Variants in ERBB4 observed in about 807,000 individuals in gnomAD.
The protein encoded by ERBB4 is erb-b2 receptor tyrosine kinase 4.
A neutral mutation model predicts 158.0 loss-of-function variants in ERBB4; 42 were observed. The observed-to-expected ratio is 0.27, with a 90% CI of 0.21 to 0.34. ERBB4 has a LOEUF of 0.34. Among genes scored for constraint, ERBB4 ranks in the 10% least tolerant of loss-of-function variants. The pLI is 1.00. For synonymous variants in ERBB4, 583 were observed against 558.7 expected (o/e 1.04, Z -0.61); for missense variants, 1,333 against 1,624.1 (o/e 0.82, Z 3.08).
intron 2 of ERBB4, among the ~76,000 whole-genome samples, chr2:212,086,415 C>G (rs965848767): frequency 4.0e-5 from 6 of 150,258 alleles, no homozygotes; most frequent in Admixed American, 2.7e-4. Flanking sequence ...TGATTTAAAT[C>G]GCACTAAGGC....
At position 211,652,121 on chromosome 2, in the gene ERBB4, T is replaced by C. The variant is rs547079902; in HGVS notation, c.1946+5633A>G. Among the ~76,000 whole-genome samples, 6 of 152,322 alleles carry C rather than the reference T, an allele frequency of 3.9e-5. No homozygotes were observed. The South Asian group carries it at 1.2e-3, about 32-fold the overall frequency. On this transcript the variant is annotated intron_variant, in intron 16 of 27. Transcript: ENST00000342788. ...GCAACTTTGTGACGCTAAATACTTC[T>C]GTTAAAGTAACCACTTTAACTGTAT...
chr2:211,740,622 C>CTTTT lies in ERBB4; in HGVS notation c.622+10013_622+10016dup, dbSNP rs1169540948. Among the ~76,000 whole-genome samples the CTTTT allele has an allele frequency of 2.1e-3, 185 of 90,162 alleles. 1 individual carries two copies. Among genetic ancestry groups the CTTTT allele is most frequent in the African/African-American group, 5.7e-3 (120 of 21,068 alleles). The allele number at this position is 90,162 out of a possible 152,430, so 59.1% of individuals were successfully genotyped here. ...TTACTTAATTATTTCTTTTCTTTGT[C>CTTTT]TTTTTTTTTTTTTTTTTTTTTTTGA... On this transcript the variant is annotated intron_variant, in intron 5 of 27. Transcript: ENST00000342788.
intron 2 of ERBB4, among the ~76,000 whole-genome samples, chr2:212,021,186 G>A (rs922227163): frequency 2.0e-5 from 3 of 151,922 alleles, no homozygotes; most frequent in Non-Finnish European, 2.9e-5. Context: ...CTAGAAATAC[G>A]ATGATAAAAA....
chr2:211,413,828 A>G (rs979342049), intron 25 of ERBB4, among the ~76,000 whole-genome samples: 12 of 151,938 alleles, frequency 7.9e-5, no homozygotes, highest in Non-Finnish European at 1.5e-4. Context: ...GAATGTATTA[A>G]GTGAAAAAGA....
intron 1 of ERBB4, among the ~76,000 whole-genome samples, chr2:212,466,720 G>A (rs557102699): frequency 4.3e-4 from 66 of 152,252 alleles, no homozygotes; most frequent in African/African-American, 1.5e-3. Context: ...GCAGTACATT[G>A]GTACCAGTAG....
At chr2:211,856,633 C>A (rs943565973) in intron 3 of ERBB4, among the ~76,000 whole-genome samples, 1 of 152,118 alleles carries the variant, frequency 6.6e-6, no homozygotes, top group Non-Finnish European at 1.5e-5. Context: ...GTGATCCGCC[C>A]GCCTCGGCCT....
chr2:212,327,728 C>CTTTT (rs11413473), intron 1 of ERBB4, among the ~76,000 whole-genome samples: 6 of 133,366 alleles, frequency 4.5e-5, no homozygotes, highest in South Asian at 2.4e-4. Context: ...TTCTTTTTTT[C>CTTTT]TTTTTTTTTT....
chr2:212,284,967 G>A (rs999092355), intron 1 of ERBB4, among the ~76,000 whole-genome samples: 4 of 151,966 alleles, frequency 2.6e-5, no homozygotes, highest in African/African-American at 7.2e-5. Context: ...CCCTTCAAAT[G>A]GCAAGTAGCT....
At chr2:212,439,943 T>C (rs529593370) in intron 1 of ERBB4, among the ~76,000 whole-genome samples, 12 of 152,320 alleles carry the variant, frequency 7.9e-5, no homozygotes, top group African/African-American at 2.6e-4. Context: ...TACTTGAGTA[T>C]ACTACTACAG....
chr2:212,403,555 A>G (rs73060399), intron 1 of ERBB4, among the ~76,000 whole-genome samples: 4,710 of 152,098 alleles, frequency 0.031, 240 homozygotes, highest in African/African-American at 0.11. Context: ...TTCAACCTTA[A>G]AAAAGAAGTA....
chr2:211,871,498 C>T (rs1302571263), intron 3 of ERBB4, among the ~76,000 whole-genome samples: 5 of 149,956 alleles, frequency 3.3e-5, no homozygotes, highest in East Asian at 3.9e-4. Flanking sequence ...GTGAGCAGTG[C>T]TTTGGCATTA....
intron 1 of ERBB4, among the ~76,000 whole-genome samples, chr2:212,471,106 C>CA (rs1689095096): frequency 6.6e-6 from 1 of 152,010 alleles, no homozygotes; most frequent in Non-Finnish European, 1.5e-5. Flanking sequence ...ACTTTGCCTT[C>CA]AACCCAATGT....
intron 1 of ERBB4, among the ~76,000 whole-genome samples, chr2:212,176,128 A>G (rs10200506): frequency 0.13 from 19,440 of 151,980 alleles, 1,360 homozygotes; most frequent in Non-Finnish European, 0.15. Flanking sequence ...TTCATGATCT[A>G]GTCTTTGATT....
In ERBB4 at chr2:211,416,648, A is replaced by G. The variant is rs527323001; in HGVS notation, c.3135+3793T>C. ...GTATAACAATCAGCTCCAAATGACC[A>G]GAATTGATTAATAACTGGCAGCTTT... On this transcript the variant is annotated intron_variant, in intron 25 of 27. Coordinates refer to ENST00000342788, the MANE Select transcript of ERBB4 (RefSeq NM_005235.3). Among the ~76,000 whole-genome samples, 6 of 152,308 alleles carry G rather than the reference A, an allele frequency of 3.9e-5. No homozygotes were observed. The South Asian group carries it at 1.0e-3, about 26-fold the overall frequency.
At chr2:211,738,545 T>C (rs575026293) in intron 5 of ERBB4, among the ~76,000 whole-genome samples, 1 of 152,114 alleles carries the variant, frequency 6.6e-6, no homozygotes, top group African/African-American at 2.4e-5. Flanking sequence ...TAATTTTTTG[T>C]ATTTTTAGTA....
chr2:212,076,898 T>C (rs946711833), intron 2 of ERBB4, among the ~76,000 whole-genome samples: 2 of 151,898 alleles, frequency 1.3e-5, no homozygotes, highest in African/African-American at 4.8e-5. Context: ...TTATGTAACC[T>C]ATGAAGGGCT....
At chr2:211,670,666 C>A (rs1032915854) in intron 14 of ERBB4, among the ~76,000 whole-genome samples, 2 of 152,084 alleles carry the variant, frequency 1.3e-5, no homozygotes, top group African/African-American at 4.8e-5. Context: ...GTACATTGAG[C>A]AATTCATTTA....
chr2:211,560,547 T>C (rs1419920589), intron 20 of ERBB4, among the ~76,000 whole-genome samples: 1 of 152,076 alleles, frequency 6.6e-6, no homozygotes. Context: ...GTGCTGGGAT[T>C]ACAGGTGTGA....
At chr2:211,492,778 C>T (rs564220808) in intron 20 of ERBB4, among the ~76,000 whole-genome samples, 16 of 152,154 alleles carry the variant, frequency 1.1e-4, no homozygotes, top group South Asian at 8.3e-4. Flanking sequence ...GTAACTATTG[C>T]GGTAATAATA....
Sources: gnomAD v4.1 joint callset for allele counts (sites outside exome capture counted in the v4.1 genomes callset) on GRCh38, gnomAD v4.1.1 for gene constraint, MANE v1.5 for transcripts, NCBI Gene and HGNC (gene_info 2026-07-23, HGNC 2026-07-21) for gene names.